Variants in ADCY8 observed in about 807,000 individuals in gnomAD.
The protein encoded by ADCY8 is adenylate cyclase 8.
A neutral mutation model predicts 119.7 loss-of-function variants in ADCY8; 51 were observed. That is an observed-to-expected ratio of 0.43 (90% CI 0.34 to 0.54). The LOEUF (loss-of-function observed/expected upper bound fraction) is 0.54, where lower values mean the gene tolerates loss of function less well. Among genes scored for constraint, ADCY8 ranks in the 20% least tolerant of loss-of-function variants. The probability of loss-of-function intolerance (pLI) is 0.03; values close to 1 mark genes in which losing one functional copy is unlikely to be tolerated. For synonymous variants in ADCY8, 665 were observed against 651.0 expected (o/e 1.02, Z -0.33); for missense variants, 1,383 against 1,598.8 (o/e 0.87, Z 2.30).
intron 2 of ADCY8, among the ~76,000 whole-genome samples, chr8:130,975,931 A>G (rs546680754): frequency 2.6e-5 from 4 of 152,322 alleles, no homozygotes; most frequent in African/African-American, 4.8e-5. Flanking sequence ...ATACTATAGT[A>G]ACTTCAAAAT....
chr8:130,783,820 A>C lies in ADCY8; in HGVS notation c.3154-15T>G. ...TCTTCACATTGCTGAAGCAAACATG[A>C]GGAGAAGAAATCATTTAATGCGGAA... On this transcript the variant is annotated splice_polypyrimidine_tract_variant and intron_variant, in intron 16 of 17. Coordinates refer to ENST00000286355, the MANE Select transcript of ADCY8 (RefSeq NM_001115.3). 2.5e-6 allele frequency: 4 copies of C among 1,593,200 alleles called. No homozygotes were observed. Among genetic ancestry groups the C allele is most frequent in the Non-Finnish European group, 3.4e-6 (4 of 1,163,582 alleles).
At chr8:130,839,459 G>C (rs1396272292) in intron 11 of ADCY8, among the ~76,000 whole-genome samples, 2 of 139,762 alleles carry the variant, frequency 1.4e-5, no homozygotes, top group African/African-American at 4.9e-5. Flanking sequence ...AACATCAGAG[G>C]AATCTCCTCT....
chr8:130,989,213 A>G (rs981868281), intron 2 of ADCY8, among the ~76,000 whole-genome samples: 1 of 152,224 alleles, frequency 6.6e-6, no homozygotes, highest in Non-Finnish European at 1.5e-5. Context: ...AAGTCAAAGT[A>G]AGATCTGAAA....
chr8:130,830,432 T>C (rs1816797115), intron 12 of ADCY8, among the ~76,000 whole-genome samples: 1 of 152,186 alleles, frequency 6.6e-6, no homozygotes, highest in South Asian at 2.1e-4. Context: ...CTGTGAGCCC[T>C]ATGTAAATCA....
chr8:131,031,042 G>T (rs1338063848), intron 1 of ADCY8, among the ~76,000 whole-genome samples: 1 of 152,136 alleles, frequency 6.6e-6, no homozygotes, highest in Non-Finnish European at 1.5e-5. Context: ...AAGAAAAGCT[G>T]TGCAACAATC....
intron 14 of ADCY8, among the ~76,000 whole-genome samples, chr8:130,800,826 T>G (rs983782872): frequency 6.6e-6 from 1 of 152,238 alleles, no homozygotes; most frequent in African/African-American, 2.4e-5. Context: ...AAGTCCAAGA[T>G]CAAGGTACTG....
chr8:130,973,577 TCCAG>T (rs1053295928), intron 2 of ADCY8, among the ~76,000 whole-genome samples: 1 of 152,326 alleles, frequency 6.6e-6, no homozygotes, highest in African/African-American at 2.4e-5. Context: ...ACCAGAACTC[TCCAG>T]CCAACACACA....
chr8:130,897,950 ACAC>A (rs915975349), intron 7 of ADCY8, among the ~76,000 whole-genome samples: 11 of 146,866 alleles, frequency 7.5e-5, no homozygotes, highest in African/African-American at 2.7e-4. Context: ...CACATAACAC[ACAC>A]CACACCACAC....
intron 1 of ADCY8, among the ~76,000 whole-genome samples, chr8:130,998,725 T>C (rs533270713): frequency 6.6e-6 from 1 of 152,198 alleles, no homozygotes; most frequent in Non-Finnish European, 1.5e-5. Flanking sequence ...TGGACCACAG[T>C]GGTAATTATG....
At chr8:130,987,533 C>T (rs1014464545) in intron 2 of ADCY8, among the ~76,000 whole-genome samples, 1 of 152,002 alleles carries the variant, frequency 6.6e-6, no homozygotes, top group African/African-American at 2.4e-5. Context: ...TGAAAAATCC[C>T]ACAAAACCCA....
chr8:130,822,563 C>A (rs1237000562), intron 12 of ADCY8, among the ~76,000 whole-genome samples: 2 of 151,374 alleles, frequency 1.3e-5, no homozygotes, highest in Non-Finnish European at 1.5e-5. Flanking sequence ...TCCATCCATC[C>A]ATCCATCCAT....
intron 15 of ADCY8, among the ~76,000 whole-genome samples, chr8:130,788,524 A>G (rs189822926): frequency 2.6e-5 from 4 of 152,242 alleles, no homozygotes; most frequent in African/African-American, 9.6e-5. Flanking sequence ...ATGGGTACAA[A>G]CTTACAGTTA....
intron 1 of ADCY8, among the ~76,000 whole-genome samples, chr8:131,011,001 A>G (rs1823283533): frequency 6.6e-6 from 1 of 152,250 alleles, no homozygotes. Context: ...CCTAAGTTAC[A>G]AAATAGAATA....
At chr8:130,887,252 A>G (rs1308117936) in intron 7 of ADCY8, among the ~76,000 whole-genome samples, 1 of 152,168 alleles carries the variant, frequency 6.6e-6, no homozygotes, top group Non-Finnish European at 1.5e-5. Context: ...TGTAGGATAC[A>G]GACCAATGAA....
intron 12 of ADCY8, among the ~76,000 whole-genome samples, chr8:130,833,080 G>T (rs2130249510): frequency 6.6e-6 from 1 of 151,982 alleles, no homozygotes; most frequent in East Asian, 1.9e-4. Context: ...GTTCATTTTT[G>T]CATGGCCATG....
intron 2 of ADCY8, among the ~76,000 whole-genome samples, chr8:130,985,618 T>G (rs1349505290): frequency 6.6e-6 from 1 of 152,170 alleles, no homozygotes; most frequent in Non-Finnish European, 1.5e-5. Context: ...TCTACCACTT[T>G]TAGGTCAACC....
chr8:131,031,394 AC>A (rs1823992410), intron 1 of ADCY8, among the ~76,000 whole-genome samples: 2 of 152,194 alleles, frequency 1.3e-5, no homozygotes. Context: ...TCATGGCAGA[AC>A]CCCAAATATT....
intron 1 of ADCY8, among the ~76,000 whole-genome samples, chr8:131,000,136 C>T (rs1327565556): frequency 1.3e-5 from 2 of 152,102 alleles, no homozygotes; most frequent in Non-Finnish European, 2.9e-5. Context: ...AGCTTGGGAT[C>T]AGAGAAGTTA....
chr8:131,035,901 A>G (rs1431590002), intron 1 of ADCY8, among the ~76,000 whole-genome samples: 2 of 152,164 alleles, frequency 1.3e-5, no homozygotes, highest in African/African-American at 4.8e-5. Flanking sequence ...GTATCTAGCT[A>G]AGCAGAATGA....
Sources: gnomAD v4.1 joint callset for allele counts (sites outside exome capture counted in the v4.1 genomes callset) on GRCh38, gnomAD v4.1.1 for gene constraint, MANE v1.5 for transcripts, NCBI Gene and HGNC (gene_info 2026-07-23, HGNC 2026-07-21) for gene names.